The following CCDC178 variants were observed in gnomAD, a reference collection of about 807,000 sequenced individuals.
CCDC178 encodes coiled-coil domain-containing protein 178.
In CCDC178, 126 loss-of-function variants were observed where a neutral mutation model predicts 117.4. That is an observed-to-expected ratio of 1.07 (90% CI 0.93 to 1.24). CCDC178 has a LOEUF of 1.24. Among genes scored for constraint, CCDC178 ranks in the 50% most tolerant of loss-of-function variants. CCDC178 has a pLI of 0.00. For synonymous variants in CCDC178, 283 were observed against 313.4 expected, an observed-to-expected ratio of 0.90 and a Z score of 1.02; for missense variants, 1,030 against 986.9, an observed-to-expected ratio of 1.04 and a Z score of -0.59.
intron 21 of CCDC178, among the ~76,000 whole-genome samples, chr18:33,066,404 A>T (rs1293977602): frequency 6.6e-6 from 1 of 152,228 alleles, no homozygotes; most frequent in African/African-American, 2.4e-5. Flanking sequence ...TTGTAAAGGT[A>T]AACAATGAAT....
At chr18:33,015,675 T>C (rs1598791109) in intron 21 of CCDC178, among the ~76,000 whole-genome samples, 1 of 151,966 alleles carries the variant, frequency 6.6e-6, no homozygotes, top group African/African-American at 2.4e-5. Flanking sequence ...GATGTTGGAT[T>C]TACTAGGCAA....
chr18:33,319,907 T>G (rs1355861798), intron 11 of CCDC178, among the ~76,000 whole-genome samples: 1 of 152,224 alleles, frequency 6.6e-6, no homozygotes, highest in Non-Finnish European at 1.5e-5. Context: ...ATAAATTTGT[T>G]TGAGTTCTTT....
At chr18:33,148,800 T>C (rs911760431) in intron 20 of CCDC178, among the ~76,000 whole-genome samples, 2 of 152,170 alleles carry the variant, frequency 1.3e-5, no homozygotes, top group Non-Finnish European at 2.9e-5. Context: ...TGAGACTTAG[T>C]TGGTTTTTGT....
At chr18:33,318,023 T>C (rs1599152884) in intron 11 of CCDC178, among the ~76,000 whole-genome samples, 1 of 152,068 alleles carries the variant, frequency 6.6e-6, no homozygotes, top group African/African-American at 2.4e-5. Context: ...AGGACAAAAA[T>C]GAAGCAGCAC....
chr18:33,406,504 T>C (rs945263703), intron 3 of CCDC178, among the ~76,000 whole-genome samples: 1 of 151,906 alleles, frequency 6.6e-6, no homozygotes, highest in Non-Finnish European at 1.5e-5. Flanking sequence ...GGACCAAATT[T>C]GAGGAGATGA....
At chr18:33,402,499 T>G (rs1196622591) in intron 3 of CCDC178, among the ~76,000 whole-genome samples, 1 of 152,180 alleles carries the variant, frequency 6.6e-6, no homozygotes, top group Non-Finnish European at 1.5e-5. Context: ...GAACTGTCAT[T>G]TTTAGAAATA....
intron 14 of CCDC178, among the ~76,000 whole-genome samples, chr18:33,257,935 G>A (rs532602699): frequency 1.3e-5 from 2 of 151,962 alleles, no homozygotes; most frequent in South Asian, 4.2e-4. Context: ...CCCTCTATAA[G>A]CTCTTGTTAT....
intron 6 of CCDC178, among the ~76,000 whole-genome samples, chr18:33,359,588 A>G (rs909402699): frequency 6.6e-6 from 1 of 151,730 alleles, no homozygotes; most frequent in African/African-American, 2.4e-5. Context: ...GTCACTTTAA[A>G]TCATTATTTT....
At chr18:32,984,988 A>T (rs1488946083) in intron 21 of CCDC178, among the ~76,000 whole-genome samples, 1 of 151,956 alleles carries the variant, frequency 6.6e-6, no homozygotes, top group Admixed American at 6.6e-5. Context: ...TCTGATGATT[A>T]TCCACAGTAT....
At chr18:33,274,763 T>C (rs2059927665) in intron 12 of CCDC178, among the ~76,000 whole-genome samples, 1 of 151,922 alleles carries the variant, frequency 6.6e-6, no homozygotes, top group Non-Finnish European at 1.5e-5. Context: ...TACATGAAAA[T>C]TCAGTGCCTA....
At chr18:33,428,983 C>T (rs995975767) in intron 2 of CCDC178, among the ~76,000 whole-genome samples, 16 of 147,524 alleles carry the variant, frequency 1.1e-4, no homozygotes, top group African/African-American at 4.0e-4. Context: ...TGCTTGAGAC[C>T]ATAGAATTAG....
chr18:32,954,489 T>C (rs937374019), intron 22 of CCDC178: 2 of 152,194 alleles, frequency 1.3e-5, no homozygotes, highest in African/African-American at 4.8e-5. Context: ...TAAAGCTGAA[T>C]ATGGTATTGT....
intron 2 of CCDC178, among the ~76,000 whole-genome samples, chr18:33,438,828 A>C (rs565542669): frequency 1.9e-4 from 29 of 152,188 alleles, no homozygotes. Flanking sequence ...GTTGTCTGTA[A>C]TCTGCCATCT....
chr18:33,112,345 A>C (rs1261107549), intron 20 of CCDC178, among the ~76,000 whole-genome samples: 2 of 151,834 alleles, frequency 1.3e-5, no homozygotes, highest in African/African-American at 4.8e-5. Flanking sequence ...GTAACATATT[A>C]AATTTCTTCT....
intron 20 of CCDC178, among the ~76,000 whole-genome samples, chr18:33,206,121 A>G (rs2059042464): frequency 6.6e-6 from 1 of 152,158 alleles, no homozygotes; most frequent in African/African-American, 2.4e-5. Context: ...TTATTTATTA[A>G]TTGCATCCCC....
chr18:33,140,373 C>T (rs1327557540), intron 20 of CCDC178, among the ~76,000 whole-genome samples: 1 of 152,142 alleles, frequency 6.6e-6, no homozygotes, highest in African/African-American at 2.4e-5. Flanking sequence ...AAGACACAGA[C>T]ACTCAACAGC....
chr18:33,181,426 CATA>C (rs2058731449), intron 20 of CCDC178, among the ~76,000 whole-genome samples: 1 of 151,840 alleles, frequency 6.6e-6, no homozygotes, highest in Non-Finnish European at 1.5e-5. Context: ...GGTAAAAATT[CATA>C]ATCTTTTAAC....
At chr18:33,104,379 T>G (rs2057674132) in intron 20 of CCDC178, among the ~76,000 whole-genome samples, 2 of 151,774 alleles carry the variant, frequency 1.3e-5, no homozygotes, top group African/African-American at 4.8e-5. Flanking sequence ...GTTACCGAAT[T>G]CATGGTTGTT....
chr18:32,975,402 C>T (rs761304678), intron 21 of CCDC178, among the ~76,000 whole-genome samples: 3 of 152,094 alleles, frequency 2.0e-5, no homozygotes, highest in Non-Finnish European at 4.4e-5. Context: ...ATGACATGTG[C>T]TAGATCATTT....
Sources: gnomAD v4.1 joint callset for allele counts (sites outside exome capture counted in the v4.1 genomes callset) on GRCh38, gnomAD v4.1.1 for gene constraint, MANE v1.5 for transcripts, NCBI Gene and HGNC (gene_info 2026-07-23, HGNC 2026-07-21) for gene names.